The following TTN variants were observed in gnomAD, a reference collection of about 807,000 sequenced individuals.
TTN encodes the protein titin.
In TTN, 1,525 loss-of-function variants were observed where a neutral mutation model predicts 3,223.0. That is an observed-to-expected ratio of 0.47 (90% CI 0.45 to 0.49). The LOEUF (loss-of-function observed/expected upper bound fraction) is 0.49. Among genes scored for constraint, TTN ranks in the 20% least tolerant of loss-of-function variants. TTN has a pLI of 0.00. For missense variants in TTN, 40,786 were observed against 43,424.0 expected, an observed-to-expected ratio of 0.94 and a Z score of 5.40; for synonymous variants, 14,094 against 15,161.0, an observed-to-expected ratio of 0.93 and a Z score of 5.17.
In TTN at chr2:178,586,717, C is replaced by G. The variant is rs769161359; in HGVS notation, c.64184G>C (p.Gly21395Ala). 2 of 1,613,004 alleles carry G rather than the reference C, an allele frequency of 1.2e-6. No individual in the cohort carries two copies. Among genetic ancestry groups the G allele is most frequent in the South Asian group, 1.1e-5 (1 of 91,056 alleles). Residue 21395 changes from glycine to alanine, a missense_variant, in exon 308 of 363, where the codon GGT becomes GCT. Coordinates refer to ENST00000589042, the MANE Select transcript of TTN (RefSeq NM_001267550.2). The part of the protein sequence containing the change: ...LAWLPPLRDG[G>A]AKIDGYITSY... ...AGTGATGTAGCCATCGATTTTAGCACCTCCATCACGTAGGGGAGGTAACCA... is the reference window on the plus strand; with the variant it reads ...AGTGATGTAGCCATCGATTTTAGCAGCTCCATCACGTAGGGGAGGTAACCA...
Position 178,794,991 on chromosome 2 carries a change from C to G in TTN, c.1176G>C (p.Ala392=), listed in dbSNP as rs139985320. ...TGGCCGACACACTGGCGGCAGCACCCGCAGCACCACTGATGGTCACTTGCT... is the reference window on the plus strand; with the variant it reads ...TGGCCGACACACTGGCGGCAGCACCGGCAGCACCACTGATGGTCACTTGCT... ...VQEQVTISGA[A]GAAASVSASA... The change falls in exon 7 of 363, where the codon GCG becomes GCC. Residue 392 remains alanine, a synonymous_variant. Transcript: ENST00000589042. 1 of 1,608,752 alleles carries G rather than the reference C, an allele frequency of 6.2e-7. No homozygotes were observed. Among genetic ancestry groups the G allele is most frequent in the African/African-American group, 1.3e-5 (1 of 74,934 alleles).
In TTN at chr2:178,725,805, C is replaced by A; in HGVS notation, c.20517G>T (p.Val6839=). ...CAGTACAAACACAAGTATCACTTCCCACTTCATTCTGTGCTTTGCAGTGGT... is the reference window on the plus strand; with the variant it reads ...CAGTACAAACACAAGTATCACTTCCAACTTCATTCTGTGCTTTGCAGTGGT... ...GEYHCKAQNE[V]GSDTCVCTVK... is the part of the protein sequence containing the mutation. Residue 6839 remains valine, a synonymous_variant, in exon 70 of 363, where the codon GTG becomes GTT. Transcript: ENST00000589042. 6.2e-7 allele frequency: 1 copy of A among 1,609,220 alleles called. No individual in the cohort carries two copies. The highest frequency in any genetic ancestry group is 8.5e-7 in the Non-Finnish European group (1 of 1,176,894).
chr2:178,790,257 T>A (rs2093416623), intron 11 of TTN, 142 bp from the exon 12 acceptor site: 1 of 878,678 alleles, frequency 1.1e-6, no homozygotes, highest in South Asian at 1.8e-5. Context: ...TCATTTGAGT[T>A]ACTTTGATCA....
In TTN at chr2:178,649,599, T is replaced by G. The variant is rs1317959875; in HGVS notation, c.39928A>C (p.Lys13310Gln). Residue 13310 changes from lysine (K) to glutamine (Q), a missense_variant, in exon 212 of 363, where the codon AAG becomes CAG. Physicochemically the swap from Lys to Gln is moderately conservative, Grantham distance 53. Transcript: ENST00000589042. ...GGCTTCTTAACAGTTGGGACCTTCT[T>G]CACTGGAACAACTTTCTTTGGCATC... ...PEMPKKVVPV[K>Q]KVPTVKKPET... 6.5e-7 allele frequency: 1 copy of G among 1,550,128 alleles called. No individual in the cohort carries two copies. The highest frequency in any genetic ancestry group is 8.7e-7 in the Non-Finnish European group (1 of 1,146,636).
chr2:178,663,233 T>A (rs2065091258), intron 173 of TTN, 33 bp downstream of exon 173: 2 of 1,515,758 alleles, frequency 1.3e-6, no homozygotes, highest in Non-Finnish European at 8.9e-7. Context: ...AACAGTTATT[T>A]TTCTCCTATA....
Position 178,723,835 on chromosome 2 carries a change from CA to C in TTN, c.21403+20del. 1.3e-6 allele frequency: 2 copies of C among 1,575,258 alleles called. No individual in the cohort carries two copies. Among genetic ancestry groups the C allele is most frequent in the Non-Finnish European group, 8.6e-7 (1 of 1,158,964 alleles). On this transcript the variant is annotated intron_variant, in intron 73 of 362. Transcript: ENST00000589042. Reference sequence around the variant, plus strand: ...AGAGGAATTTGTAAGAAATTCCTTACAAGTTTGACTGTCTACTGACCTTGTA... The same window carrying C: ...AGAGGAATTTGTAAGAAATTCCTTACAGTTTGACTGTCTACTGACCTTGTA...
Position 178,546,992 on chromosome 2 carries a change from G to T in TTN, c.94522+11C>A, listed in dbSNP as rs376463592. On this transcript the variant is annotated intron_variant, in intron 340 of 362. Coordinates refer to ENST00000589042, the MANE Select transcript of TTN (RefSeq NM_001267550.2). ...TAATAAACAAATATGCCCTTAAATT[G>T]TGATACATACCAACTGGATTTTGAG... 1 of 1,602,244 alleles carries T rather than the reference G, an allele frequency of 6.2e-7. No individual in the cohort carries two copies. The highest frequency in any genetic ancestry group is 8.5e-7 in the Non-Finnish European group (1 of 1,172,652).
At position 178,667,325 on chromosome 2, in the gene TTN, A is replaced by G. The variant is rs1434078667; in HGVS notation, c.35714-6T>C. ...GCCTCTGGTTGTATCAGGTTCTTTA[A>G]AGATATTAGTAGGTTTACATTTAAA... On this transcript the variant is annotated splice_region_variant and splice_polypyrimidine_tract_variant and intron_variant, in intron 161 of 362. Transcript: ENST00000589042. 1 of 1,595,816 alleles carries G rather than the reference A, an allele frequency of 6.3e-7. No individual in the cohort carries two copies. The highest frequency in any genetic ancestry group is 1.1e-5 in the South Asian group (1 of 88,228).
At position 178,601,678 on chromosome 2, in the gene TTN, T is replaced by A; in HGVS notation, c.55412A>T (p.Asn18471Ile). Residue 18471 changes from asparagine (N) to isoleucine (I), a missense_variant, in exon 286 of 363, where the codon AAT becomes ATT. Asn to Ile is a moderately radical substitution (Grantham distance 149). Coordinates refer to ENST00000589042, the MANE Select transcript of TTN (RefSeq NM_001267550.2). ...AKNKAGQKTA[N>I]CRVKVMDVPG... is the part of the protein sequence containing the mutation. ...CTTACCCATGACTTTAACTCTGCAA[T>A]TTGCAGTCTTTTGTCCTGCTTTATT... The A allele has an allele frequency of 1.9e-6, 3 of 1,600,284 alleles. No individual in the cohort carries two copies. Among genetic ancestry groups the A allele is most frequent in the Non-Finnish European group, 2.6e-6 (3 of 1,175,958 alleles).
intron 278 of TTN, among the ~76,000 whole-genome samples, chr2:178,606,739 T>G (rs2054956744): frequency 6.6e-6 from 1 of 151,992 alleles, no homozygotes; most frequent in Non-Finnish European, 1.5e-5. Context: ...AGAGATATAA[T>G]ATGTCTAAAC....
In TTN at chr2:178,586,754, C is replaced by T. The variant is rs727503582; in HGVS notation, c.64147G>A (p.Ala21383Thr). The T allele has an allele frequency of 2.7e-5, 44 of 1,612,936 alleles. No homozygotes were observed. Among genetic ancestry groups the T allele is most frequent in the Non-Finnish European group, 3.7e-5 (44 of 1,179,322 alleles). The change falls in exon 308 of 363, where the codon GCC becomes ACC. Residue 21383 changes from alanine to threonine, a missense_variant. Ala to Thr is a moderately conservative substitution (Grantham distance 58). Coordinates refer to ENST00000589042, the MANE Select transcript of TTN (RefSeq NM_001267550.2). ...AGGGGAGGTAACCAGGCTAAGGTGG[C>T]ACTGTTCTTGGTCATTTCAGTCACT... Reference protein sequence around the residue: ...LEVTEMTKNSATLAWLPPLRD... With the variant: ...LEVTEMTKNSTTLAWLPPLRD...
intron 43 of TTN, among the ~76,000 whole-genome samples, chr2:178,761,613 C>T (rs866813192): frequency 2.6e-5 from 4 of 152,120 alleles, no homozygotes; most frequent in African/African-American, 9.7e-5. Flanking sequence ...TGGCTCTCTC[C>T]CAGACAGAGA....
At chr2:178,711,425 C>CACAT in intron 96 of TTN, 76 bp from the exon 97 acceptor site, 1 of 1,354,314 alleles carries the variant, frequency 7.4e-7, no homozygotes, top group Non-Finnish European at 9.9e-7. Context: ...TATACAAACG[C>CACAT]ACGTATATAT....
Position 178,572,376 on chromosome 2 carries a change from C to T in TTN, c.73756G>A (p.Gly24586Ser). Residue 24586 changes from glycine to serine, a missense_variant, in exon 326 of 363, where the codon GGC becomes AGC. By Grantham distance (56) the Gly-to-Ser change is moderately conservative. Coordinates refer to ENST00000589042, the MANE Select transcript of TTN (RefSeq NM_001267550.2). ...AGAACCCTGAAATAGTAGCTACAGC[C>T]TTCTTGAAGCTGGTCTACCTTCCAG... ...TSWKVDQLQE[G>S]CSYYFRVLAE... is the part of the protein sequence containing the mutation. The T allele has an allele frequency of 6.2e-7, 1 of 1,613,092 alleles. No individual in the cohort carries two copies. Among genetic ancestry groups the T allele is most frequent in the Non-Finnish European group, 8.5e-7 (1 of 1,179,298 alleles).
In TTN at chr2:178,551,960, T is replaced by C; in HGVS notation, c.90940A>G (p.Ser30314Gly). 6.2e-7 allele frequency: 1 copy of C among 1,612,322 alleles called. No individual in the cohort carries two copies. Among genetic ancestry groups the C allele is most frequent in the South Asian group, 1.1e-5 (1 of 91,044 alleles). Reference protein sequence around the residue: ...RYGVSQPLVSSIIVAKHQFRI... With the variant: ...RYGVSQPLVSGIIVAKHQFRI... ...AACTGGTGTTTTGCCACAATAATGC[T>C]TGAGACAAGTGGTTGGCTGACTCCG... Residue 30314 changes from serine (S) to glycine (G), a missense_variant, in exon 335 of 363, where the codon AGC becomes GGC. Physicochemically the swap from Ser to Gly is moderately conservative, Grantham distance 56. Transcript: ENST00000589042.
chr2:178,622,759 C>T lies in TTN; in HGVS notation c.44824G>A (p.Val14942Met), dbSNP rs786205391. The change falls in exon 243 of 363, where the codon GTG becomes ATG. Residue 14942 changes from valine (V) to methionine (M), a missense_variant. Val to Met is a conservative substitution (Grantham distance 21, BLOSUM62 1). Transcript: ENST00000589042. ...SCNLNVVPPH[V>M]EFLRPLTDLQ... ...TCGGTGAGTGGTCTTAAGAATTCCACATGAGGAGCTGTAAGAGAATGTCAT... is the reference window on the plus strand; with the variant it reads ...TCGGTGAGTGGTCTTAAGAATTCCATATGAGGAGCTGTAAGAGAATGTCAT... 6.3e-7 allele frequency: 1 copy of T among 1,599,218 alleles called. No homozygotes were observed. The highest frequency in any genetic ancestry group is 8.5e-7 in the Non-Finnish European group (1 of 1,172,196).
intron 43 of TTN, among the ~76,000 whole-genome samples, chr2:178,759,501 T>C (rs1489205148): frequency 1.3e-5 from 2 of 152,204 alleles, no homozygotes; most frequent in African/African-American, 4.8e-5. Flanking sequence ...ATTCAGTGAC[T>C]TTGAGAAAAA....
chr2:178,586,786 T>A lies in TTN; in HGVS notation c.64115A>T (p.Lys21372Ile). The A allele has an allele frequency of 6.2e-7, 1 of 1,612,478 alleles. No homozygotes were observed. The highest frequency in any genetic ancestry group is 8.5e-7 in the Non-Finnish European group (1 of 1,179,162). ...CTTGGTCATTTCAGTCACTTCTAAT[T>A]TCCTTGGGGGATCCGGCTCACCTAG... ...DPLSEPDPPR[K>I]LEVTEMTKNS... The change falls in exon 308 of 363, where the codon AAA (lysine) becomes ATA (isoleucine). Residue 21372 changes from lysine to isoleucine, a missense_variant. Transcript: ENST00000589042.
rs758410017 is a variant in TTN, at chr2:178,750,164, G to T, written c.11311+2960C>A. ...GTTAGTTTTTAACAAATGAAGATTT[G>T]TTTGGCCCTCTTGACTCATAGATGG... On this transcript the variant is annotated intron_variant, in intron 47 of 362. Transcript: ENST00000589042. 12 of 1,613,142 alleles carry T rather than the reference G, an allele frequency of 7.4e-6. No individual in the cohort carries two copies. In the South Asian group the frequency reaches 1.2e-4, roughly 16 times the overall value.
Sources: allele counts gnomAD v4.1 joint callset (sites outside exome capture counted in the v4.1 genomes callset), GRCh38; gene constraint gnomAD v4.1.1; transcripts MANE v1.5; gene names NCBI Gene and HGNC (gene_info 2026-07-23, HGNC 2026-07-21).